Variants in EFNA5 observed in about 807,000 individuals in gnomAD.
EFNA5 encodes ephrin A5.
In EFNA5, 5 loss-of-function variants were observed where a neutral mutation model predicts 22.9. The ratio of observed to expected loss-of-function variants is 0.22; its 90% CI spans 0.11 to 0.46. The LOEUF is 0.46. Ranked by LOEUF, EFNA5 falls within the 20% of genes least tolerant of loss-of-function variation. The probability of loss-of-function intolerance (pLI) is 0.99; values close to 1 mark genes in which losing one functional copy is unlikely to be tolerated. For missense variants in EFNA5, 237 were observed against 293.3 expected, an observed-to-expected ratio of 0.81 and a Z score of 1.40; for synonymous variants, 113 against 112.2, an observed-to-expected ratio of 1.01 and a Z score of -0.04.
chr5:107,557,592 T>C lies in EFNA5; in HGVS notation c.125+112897A>G, dbSNP rs557801700. 3.2e-4 allele frequency among the ~76,000 whole-genome samples: 49 copies of C among 152,340 alleles called. No homozygotes were observed. The South Asian group carries it at 9.3e-3, about 29-fold the overall frequency. ...CAGAAGTGAATTCAATCCTGGTTAGTGTGACATTCTTCTACACGCTGCCGG... is the reference window on the plus strand; with the variant it reads ...CAGAAGTGAATTCAATCCTGGTTAGCGTGACATTCTTCTACACGCTGCCGG... On this transcript the variant is annotated intron_variant, in intron 1 of 4. Transcript: ENST00000333274.
chr5:107,670,376 G>A (rs1458847310), intron 1 of EFNA5, 113 bp downstream of exon 1: 1 of 1,332,732 alleles, frequency 7.5e-7, no homozygotes, highest in Non-Finnish European at 9.7e-7. Flanking sequence ...GGGCGACGCA[G>A]GCTCCGAGGG....
At chr5:107,522,964 G>C (rs1345992562) in intron 1 of EFNA5, among the ~76,000 whole-genome samples, 1 of 152,128 alleles carries the variant, frequency 6.6e-6, no homozygotes, top group Non-Finnish European at 1.5e-5. Flanking sequence ...CACCTAAACA[G>C]GGTTCATCAA....
At chr5:107,554,626 G>T (rs915609369) in intron 1 of EFNA5, among the ~76,000 whole-genome samples, 3 of 152,082 alleles carry the variant, frequency 2.0e-5, no homozygotes, top group African/African-American at 7.2e-5. Context: ...TAATTGATAG[G>T]CAAAGAGAAA....
intron 1 of EFNA5, among the ~76,000 whole-genome samples, chr5:107,639,155 C>T (rs1750448343): frequency 2.0e-5 from 3 of 152,204 alleles, no homozygotes; most frequent in Admixed American, 2.0e-4. Context: ...ATACCCACCA[C>T]ACACAGAATA....
chr5:107,509,485 ATT>A lies in EFNA5; in HGVS notation c.126-81978_126-81977del, dbSNP rs35228224. Among the ~76,000 whole-genome samples the A allele has an allele frequency of 2.0e-3, 247 of 125,198 alleles. 4 individuals are homozygous for A. In the East Asian group the frequency reaches 0.032, roughly 16 times the overall value. The allele number at this position is 125,198 out of a possible 152,430, so 82.1% of individuals were successfully genotyped here. ...AAGCATGTGCCACCATGCTTGGCTA[ATT>A]TTTTTTTTTTTTTTTTTGTATTTTT... On this transcript the variant is annotated intron_variant, in intron 1 of 4. Transcript: ENST00000333274.
intron 1 of EFNA5, among the ~76,000 whole-genome samples, chr5:107,638,233 C>T (rs1444776285): frequency 6.6e-6 from 1 of 152,066 alleles, no homozygotes; most frequent in Non-Finnish European, 1.5e-5. Context: ...CTTTCCAATC[C>T]ACACAAGAAA....
rs954364490 is a variant in EFNA5 at position 107,670,619 on chromosome 5, C to G, written c.-6G>C. On this transcript the variant is annotated 5_prime_UTR_variant, in exon 1 of 5. Transcript: ENST00000333274. ...AACATCTCCACGTGCAACATCACGC[C>G]TGGCCAGCGGCGGAGCCCCCGACGC... 3.4e-5 allele frequency: 55 copies of G among 1,601,008 alleles called. No individual in the cohort carries two copies. Among genetic ancestry groups the G allele is most frequent in the Non-Finnish European group, 4.7e-5 (55 of 1,174,474 alleles).
At chr5:107,605,152 T>TG (rs1035375023) in intron 1 of EFNA5, among the ~76,000 whole-genome samples, 125 of 59,300 alleles carry the variant, frequency 2.1e-3, no homozygotes, top group African/African-American at 4.3e-3. Context: ...GGGGTGGGGA[T>TG]GGGGGGGGAA....
At chr5:107,668,141 T>C (rs902503059) in intron 1 of EFNA5, among the ~76,000 whole-genome samples, 1 of 152,220 alleles carries the variant, frequency 6.6e-6, no homozygotes, top group African/African-American at 2.4e-5. Flanking sequence ...GCTGTATCTC[T>C]TGGGGTTAAG....
chr5:107,569,091 C>CA (rs1340732442), intron 1 of EFNA5, among the ~76,000 whole-genome samples: 4 of 152,006 alleles, frequency 2.6e-5, no homozygotes, highest in African/African-American at 9.7e-5. Context: ...CTATACTTAG[C>CA]ATATTAACCC....
chr5:107,543,017 G>A (rs1006505745), intron 1 of EFNA5, among the ~76,000 whole-genome samples: 2 of 152,120 alleles, frequency 1.3e-5, no homozygotes, highest in Non-Finnish European at 2.9e-5. Context: ...ACCTCACCCA[G>A]GCCCATTTAC....
chr5:107,509,740 G>C (rs959334911), intron 1 of EFNA5, among the ~76,000 whole-genome samples: 1 of 152,004 alleles, frequency 6.6e-6, no homozygotes, highest in Admixed American at 6.6e-5. Flanking sequence ...CCTTCACGAG[G>C]GCAGAAATTT....
At chr5:107,502,446 C>G (rs1031620127) in intron 1 of EFNA5, among the ~76,000 whole-genome samples, 1 of 152,186 alleles carries the variant, frequency 6.6e-6, no homozygotes, top group African/African-American at 2.4e-5. Flanking sequence ...AACCGGCAAT[C>G]ATTTTAGGAA....
At chr5:107,455,341 G>A (rs76142742) in intron 1 of EFNA5, among the ~76,000 whole-genome samples, 1 of 152,166 alleles carries the variant, frequency 6.6e-6, no homozygotes, top group East Asian at 1.9e-4. Context: ...CTCTTCACTC[G>A]GATCATGAAT....
intron 1 of EFNA5, among the ~76,000 whole-genome samples, chr5:107,595,770 C>T (rs947207131): frequency 2.6e-5 from 4 of 152,094 alleles, no homozygotes; most frequent in African/African-American, 4.8e-5. Flanking sequence ...TAGCTGTGTG[C>T]CACATGCAAG....
At chr5:107,562,757 A>G (rs1020124032) in intron 1 of EFNA5, among the ~76,000 whole-genome samples, 1 of 152,228 alleles carries the variant, frequency 6.6e-6, no homozygotes, top group Admixed American at 6.5e-5. Flanking sequence ...AGTGCAAAAA[A>G]TAAAATAGAA....
At chr5:107,511,067 C>A (rs866372352) in intron 1 of EFNA5, among the ~76,000 whole-genome samples, 19 of 147,202 alleles carry the variant, frequency 1.3e-4, no homozygotes, top group African/African-American at 3.9e-4. Flanking sequence ...GCTCTTGTTG[C>A]CCAGGCTGGA....
chr5:107,598,052 A>T (rs1749511161), intron 1 of EFNA5, among the ~76,000 whole-genome samples: 1 of 152,186 alleles, frequency 6.6e-6, no homozygotes, highest in African/African-American at 2.4e-5. Context: ...CATTTACGAT[A>T]ACTTTAAGAG....
chr5:107,449,429 CTTT>C (rs1749490729), intron 1 of EFNA5, among the ~76,000 whole-genome samples: 2 of 151,802 alleles, frequency 1.3e-5, no homozygotes, highest in South Asian at 2.1e-4. Context: ...ACTAGGGACA[CTTT>C]AGGTGATGAC....
Sources: gnomAD v4.1 joint callset for allele counts (sites outside exome capture counted in the v4.1 genomes callset) on GRCh38, gnomAD v4.1.1 for gene constraint, MANE v1.5 for transcripts, NCBI Gene and HGNC (gene_info 2026-07-23, HGNC 2026-07-21) for gene names.